MTFMT: variants seen among roughly 807,000 people sequenced by gnomAD.
MTFMT encodes methionyl-tRNA formyltransferase, mitochondrial.
A neutral mutation model predicts 51.8 loss-of-function variants in MTFMT; 47 were observed. The observed-to-expected ratio is 0.91, with a 90% CI of 0.72 to 1.16. The LOEUF (loss-of-function observed/expected upper bound fraction) is 1.16, where lower values mean the gene tolerates loss of function less well. Among genes scored for constraint, MTFMT ranks in the 50% most tolerant of loss-of-function variants. MTFMT has a pLI of 0.00. For missense variants in MTFMT, 512 were observed against 482.3 expected (o/e 1.06, Z -0.58); for synonymous variants, 196 against 176.7 (o/e 1.11, Z -0.87).
intron 5 of MTFMT, among the ~76,000 whole-genome samples, chr15:65,019,127 T>C (rs1324837680): frequency 2.0e-5 from 3 of 152,176 alleles, no homozygotes; most frequent in Non-Finnish European, 2.9e-5. Flanking sequence ...AGAGTATTAA[T>C]TACCCCACAG....
At chr15:65,027,500 A>G (rs1157550017) in intron 1 of MTFMT, among the ~76,000 whole-genome samples, 1 of 152,112 alleles carries the variant, frequency 6.6e-6, no homozygotes, top group Non-Finnish European at 1.5e-5. Flanking sequence ...GCCCAGCCTC[A>G]GTTTTCATTT....
chr15:65,029,043 C>T (rs753315415), intron 1 of MTFMT, among the ~76,000 whole-genome samples: 8 of 152,078 alleles, frequency 5.3e-5, no homozygotes, highest in Non-Finnish European at 8.8e-5. Context: ...TGGGCAATCG[C>T]ATAACCTCTC....
At chr15:65,020,383 CTTTTTT>C in intron 4 of MTFMT, 111 bp from the exon 5 acceptor site, 1 of 928,162 alleles carries the variant, frequency 1.1e-6, no homozygotes, top group South Asian at 1.7e-5. Context: ...TTTTCTTTTT[CTTTTTT>C]CAAATTAAAA....
chr15:65,010,377 A>G lies in MTFMT; in HGVS notation c.814-4186T>C, dbSNP rs545878201. ...CTCTCTCCCAGAAAAAACGCCATCC[A>G]TTATCAGAAAATTCCCATTATCCTC... On this transcript the variant is annotated intron_variant, in intron 6 of 8. Transcript: ENST00000220058. Among the ~76,000 whole-genome samples, 4 of 151,782 alleles carry G rather than the reference A, an allele frequency of 2.6e-5. No homozygotes were observed. The South Asian group carries it at 6.2e-4, about 24-fold the overall frequency.
At chr15:65,023,526 G>A in intron 3 of MTFMT, 146 bp downstream of exon 3, 1 of 664,504 alleles carries the variant, frequency 1.5e-6, no homozygotes, top group Admixed American at 2.9e-5. Flanking sequence ...GAAACCAGGA[G>A]AAAACAGAAA....
chr15:65,025,791 T>G (rs549002632), intron 2 of MTFMT, among the ~76,000 whole-genome samples: 10 of 152,274 alleles, frequency 6.6e-5, no homozygotes, highest in Admixed American at 3.9e-4. Context: ...GACTAGAGTT[T>G]GGGGACCGAG....
chr15:65,024,522 T>A (rs200212536), intron 2 of MTFMT, among the ~76,000 whole-genome samples: 38 of 136,224 alleles, frequency 2.8e-4, no homozygotes, highest in African/African-American at 6.6e-4. Context: ...TTTTTTTTTT[T>A]AATTTTTTTT....
Position 65,021,608 on chromosome 15 carries a change from A to G in MTFMT, c.551T>C (p.Val184Ala), listed in dbSNP as rs750529665. Reference protein sequence around the residue: ...IMQIRPKRFDVGPILKQETVP... With the variant: ...IMQIRPKRFDAGPILKQETVP... ...AGTTTCTTGTTTGAGAATTGGGCCT[A>G]CATCAAACCTAGCAAAAAATCAAAA... The change falls in exon 4 of 9, where the codon GTA becomes GCA. Residue 184 changes from valine to alanine, a missense_variant. Transcript: ENST00000220058. 10 of 1,568,276 alleles carry G rather than the reference A, an allele frequency of 6.4e-6. No homozygotes were observed. In the Admixed American group the frequency reaches 1.1e-4, roughly 17 times the overall value.
chr15:65,007,663 G>T (rs1190408931), intron 6 of MTFMT, among the ~76,000 whole-genome samples: 1 of 150,818 alleles, frequency 6.6e-6, no homozygotes, highest in East Asian at 1.9e-4. Flanking sequence ...AAAAAAATAT[G>T]ATAATCTCTT....
intron 3 of MTFMT, among the ~76,000 whole-genome samples, chr15:65,022,426 C>T (rs1009024129): frequency 4.6e-5 from 7 of 150,594 alleles, no homozygotes; most frequent in Middle Eastern, 3.4e-3. Flanking sequence ...ACATTCCAGC[C>T]GGGGTGACAG....
intron 1 of MTFMT, among the ~76,000 whole-genome samples, chr15:65,028,900 T>C (rs1196085295): frequency 6.6e-6 from 1 of 152,190 alleles, no homozygotes; most frequent in Non-Finnish European, 1.5e-5. Context: ...TATGTCCTTG[T>C]ATACAAGGAG....
intron 5 of MTFMT, 115 bp from the exon 6 acceptor site, chr15:65,016,642 T>C: frequency 1.9e-6 from 1 of 535,232 alleles, no homozygotes; most frequent in East Asian, 3.2e-5. Flanking sequence ...TCAACTTTTC[T>C]TTATGTTCAA....
chr15:65,023,068 A>G (rs2086389022), intron 3 of MTFMT, among the ~76,000 whole-genome samples: 1 of 152,134 alleles, frequency 6.6e-6, no homozygotes. Flanking sequence ...GTTAAAGCAA[A>G]TCCCAGATAC....
intron 5 of MTFMT, among the ~76,000 whole-genome samples, chr15:65,018,896 T>A (rs766740643): frequency 3.3e-5 from 5 of 152,172 alleles, no homozygotes. Flanking sequence ...AGAGAAAGAA[T>A]TAAGCCCCTG....
At chr15:65,020,300 A>G in intron 4 of MTFMT, 28 bp from the exon 5 acceptor site, 1 of 1,562,000 alleles carries the variant, frequency 6.4e-7, no homozygotes, top group Non-Finnish European at 8.8e-7. Context: ...AGAGTGTGAT[A>G]TATTCAAAAT....
At position 65,029,558 on chromosome 15, in the gene MTFMT, C is replaced by G; in HGVS notation, c.56G>C (p.Arg19Pro). Reference protein sequence around the residue: ...WGPPLAHGARRGRPSPQWRAL... With the variant: ...WGPPLAHGARPGRPSPQWRAL... Reference sequence around the variant, plus strand: ...TCGCCACTGGGGACTCGGCCTCCCACGCCTGGCGCCATGAGCCAGCGGAGG... The same window carrying G: ...TCGCCACTGGGGACTCGGCCTCCCAGGCCTGGCGCCATGAGCCAGCGGAGG... Residue 19 changes from arginine to proline, a missense_variant, in exon 1 of 9, where the codon CGT becomes CCT. Coordinates refer to ENST00000220058, the MANE Select transcript of MTFMT (RefSeq NM_139242.4). The G allele has an allele frequency of 6.6e-7, 1 of 1,503,812 alleles. No homozygotes were observed. The highest frequency in any genetic ancestry group is 2.7e-5 in the East Asian group (1 of 36,434). The allele number at this position is 1,503,812 out of a possible 1,614,324, so 93.2% of individuals were successfully genotyped here. A position where few individuals can be genotyped will look rare whatever the true frequency, so the allele number is the denominator to read the frequency against.
chr15:65,016,442 T>C lies in MTFMT; in HGVS notation c.807A>G (p.Gly269=), dbSNP rs1566942066. 1.1e-5 allele frequency: 17 copies of C among 1,600,006 alleles called. No homozygotes were observed. Among genetic ancestry groups the C allele is most frequent in the Non-Finnish European group, 1.5e-5 (17 of 1,170,724 alleles). ...EQIFRLYRAI[G]NIIPLQTLWM... ...ACCTGACTTCCCAACTTACTATATT[T>C]CCAATGGCACGGTAAAGTCTGAATA... The change falls in exon 6 of 9, where the codon GGA becomes GGG. Residue 269 remains glycine, a synonymous_variant. Coordinates refer to ENST00000220058, the MANE Select transcript of MTFMT (RefSeq NM_139242.4).
chr15:65,003,181 G>A lies in MTFMT; in HGVS notation c.1051C>T (p.His351Tyr). The A allele has an allele frequency of 1.2e-6, 2 of 1,613,654 alleles. No homozygotes were observed. Among genetic ancestry groups the A allele is most frequent in the Non-Finnish European group, 1.7e-6 (2 of 1,179,702 alleles). ...TATDFYNGYL[H>Y]PWYQKNSQAQ... ...TGGGAATTTTTCTGGTACCAGGGGT[G>A]CAAATATCCATTGTAGAAGTCAGTA... Residue 351 changes from histidine to tyrosine, a missense_variant, in exon 9 of 9, where the codon CAC (histidine) becomes TAC (tyrosine). Transcript: ENST00000220058.
intron 1 of MTFMT, 47 bp downstream of exon 1, chr15:65,029,358 C>A (rs752638250): frequency 4.7e-5 from 66 of 1,398,964 alleles, no homozygotes; most frequent in Non-Finnish European, 5.8e-5. Context: ...CCGGGCGCGG[C>A]CTGGAGGCCT....
Sources: allele counts gnomAD v4.1 joint callset (sites outside exome capture counted in the v4.1 genomes callset), GRCh38; gene constraint gnomAD v4.1.1; transcripts MANE v1.5; gene names NCBI Gene and HGNC (gene_info 2026-07-23, HGNC 2026-07-21).